The following SYT9 variants were observed in gnomAD, a reference collection of about 807,000 sequenced individuals.
SYT9 encodes synaptotagmin-9.
In SYT9, 22 loss-of-function variants were observed where a neutral mutation model predicts 48.4. The ratio of observed to expected loss-of-function variants is 0.45; its 90% CI spans 0.32 to 0.65. SYT9 has a LOEUF of 0.65. Among genes scored for constraint, SYT9 ranks in the 30% least tolerant of loss-of-function variants. SYT9 has a pLI of 0.03. For synonymous variants in SYT9, 265 were observed against 245.0 expected, an observed-to-expected ratio of 1.08 and a Z score of -0.76; for missense variants, 577 against 622.0, an observed-to-expected ratio of 0.93 and a Z score of 0.77.
intron 1 of SYT9, among the ~76,000 whole-genome samples, chr11:7,272,517 G>A (rs1199647218): frequency 6.6e-6 from 1 of 151,640 alleles, no homozygotes; most frequent in Non-Finnish European, 1.5e-5. Context: ...AAGTGACAAT[G>A]TAATGCAATC....
At chr11:7,255,661 A>G (rs1342347693) in intron 1 of SYT9, among the ~76,000 whole-genome samples, 3 of 152,194 alleles carry the variant, frequency 2.0e-5, no homozygotes, top group African/African-American at 4.8e-5. Flanking sequence ...GAGAAGGGCA[A>G]TTAAGGATGC....
chr11:7,297,098 G>GAC (rs1203910401), intron 1 of SYT9, among the ~76,000 whole-genome samples: 16 of 130,282 alleles, frequency 1.2e-4, no homozygotes, highest in East Asian at 3.0e-4. Flanking sequence ...GAGAGAGAGA[G>GAC]AGACAGAGAG....
intron 3 of SYT9, among the ~76,000 whole-genome samples, chr11:7,347,060 G>T (rs1197888738): frequency 6.6e-6 from 1 of 152,156 alleles, no homozygotes; most frequent in Non-Finnish European, 1.5e-5. Context: ...GCTGAGATCA[G>T]GGCTTCCCTG....
intron 3 of SYT9, among the ~76,000 whole-genome samples, chr11:7,413,479 G>T (rs562181413): frequency 8.6e-5 from 13 of 151,968 alleles, no homozygotes; most frequent in African/African-American, 2.9e-4. Flanking sequence ...AGGATCGAGG[G>T]GCTCTCCTGT....
intron 6 of SYT9, chr11:7,438,256 A>G (rs1457332141): frequency 1.3e-5 from 2 of 152,354 alleles, no homozygotes; most frequent in East Asian, 3.9e-4. Context: ...AAGGTTGAAG[A>G]TACAAGAGAG....
intron 3 of SYT9, among the ~76,000 whole-genome samples, chr11:7,389,690 G>T (rs1482060046): frequency 3.9e-5 from 6 of 152,184 alleles, no homozygotes; most frequent in Admixed American, 2.0e-4. Flanking sequence ...AAAGCGAGAA[G>T]AAAGTATTCT....
intron 1 of SYT9, among the ~76,000 whole-genome samples, chr11:7,259,794 A>T (rs920223614): frequency 1.3e-5 from 2 of 152,114 alleles, no homozygotes; most frequent in African/African-American, 4.8e-5. Flanking sequence ...CTGTCAAATT[A>T]GCTCACAGAA....
chr11:7,422,859 C>A (rs777235061), intron 6 of SYT9, among the ~76,000 whole-genome samples: 1 of 152,110 alleles, frequency 6.6e-6, no homozygotes, highest in Non-Finnish European at 1.5e-5. Context: ...GCCTTGGAGG[C>A]CTTTTCCTTC....
At chr11:7,251,803 C>G (rs377653309), upstream of SYT9, 940 of 169,560 alleles carry the variant, frequency 5.5e-3, 4 homozygotes, top group African/African-American at 0.021. Flanking sequence ...CCCCAGGTCC[C>G]CGGTCTGGGG....
At chr11:7,253,232 A>G (rs903724060) in intron 1 of SYT9, among the ~76,000 whole-genome samples, 3 of 152,162 alleles carry the variant, frequency 2.0e-5, no homozygotes, top group African/African-American at 7.2e-5. Flanking sequence ...TCACCTGGAG[A>G]AATAGTTTTC....
intron 3 of SYT9, among the ~76,000 whole-genome samples, chr11:7,382,016 T>C (rs771886507): frequency 9.9e-5 from 15 of 152,144 alleles, no homozygotes; most frequent in Admixed American, 2.6e-4. Flanking sequence ...CTGAAGCCTT[T>C]TGTGGGCACT....
At chr11:7,405,173 G>A (rs1208327000) in intron 3 of SYT9, among the ~76,000 whole-genome samples, 1 of 150,078 alleles carries the variant, frequency 6.7e-6, no homozygotes, top group Non-Finnish European at 1.5e-5. Flanking sequence ...CTTTTAGTAA[G>A]AATCTAAGCA....
chr11:7,390,143 C>T (rs192881155), intron 3 of SYT9, among the ~76,000 whole-genome samples: 2 of 152,264 alleles, frequency 1.3e-5, no homozygotes, highest in African/African-American at 4.8e-5. Context: ...CAGCTCCCCA[C>T]CTCCCAACAG....
chr11:7,449,253 A>G (rs1361375598), intron 6 of SYT9, among the ~76,000 whole-genome samples: 2 of 145,646 alleles, frequency 1.4e-5, no homozygotes, highest in African/African-American at 5.1e-5. Flanking sequence ...CTGAGGCACG[A>G]GAATTGCTTG....
At chr11:7,272,802 G>A (rs1316167726) in intron 1 of SYT9, among the ~76,000 whole-genome samples, 1 of 152,186 alleles carries the variant, frequency 6.6e-6, no homozygotes, top group African/African-American at 2.4e-5. Flanking sequence ...GCTCTGAAGT[G>A]TCATGGGAAT....
chr11:7,454,424 A>C, intron 6 of SYT9: 1 of 480,044 alleles, frequency 2.1e-6, no homozygotes, highest in Non-Finnish European at 2.7e-6. Context: ...CTATCCCCAC[A>C]TCCTATCCCA....
At chr11:7,421,566 AT>A (rs1268431387) in intron 6 of SYT9, among the ~76,000 whole-genome samples, 1 of 152,196 alleles carries the variant, frequency 6.6e-6, no homozygotes, top group African/African-American at 2.4e-5. Context: ...TCAACCGGCC[AT>A]CATTCTGCCA....
intron 3 of SYT9, among the ~76,000 whole-genome samples, chr11:7,399,004 T>C (rs745898671): frequency 5.3e-5 from 8 of 152,174 alleles, no homozygotes; most frequent in Non-Finnish European, 1.2e-4. Context: ...CCAAGACATA[T>C]GTTTTACTCA....
rs191241703 is a variant in SYT9 at position 7,356,374 on chromosome 11, T to G, written c.1044+42433T>G. 1.0e-3 allele frequency among the ~76,000 whole-genome samples: 158 copies of G among 152,338 alleles called. 1 individual carries two copies. The highest frequency in any genetic ancestry group is 4.6e-4 in the Non-Finnish European group (31 of 68,028). On this transcript the variant is annotated intron_variant, in intron 3 of 6. Transcript: ENST00000318881. ...AATGACTACTCCTGTATTTCAGTGT[T>G]CTAAATTATGAGCAATTAACATCAA... is the stretch of plus-strand genomic sequence containing the variant.
Sources: allele counts gnomAD v4.1 joint callset (sites outside exome capture counted in the v4.1 genomes callset), GRCh38; gene constraint gnomAD v4.1.1; transcripts MANE v1.5; gene names NCBI Gene and HGNC (gene_info 2026-07-23, HGNC 2026-07-21).